Variants in ENOX1 observed in about 807,000 individuals in gnomAD.
ENOX1 encodes the protein ecto-NOX disulfide-thiol exchanger 1.
Under a neutral mutation model 82.5 loss-of-function variants are expected in ENOX1, and 42 were observed. The ratio of observed to expected loss-of-function variants is 0.51; its 90% CI spans 0.40 to 0.66. The LOEUF (loss-of-function observed/expected upper bound fraction) is 0.66. ENOX1 is among the 30% of genes least tolerant of loss of function. ENOX1 has a pLI of 0.00. For missense variants in ENOX1, 608 were observed against 811.6 expected, an observed-to-expected ratio of 0.75 and a Z score of 3.05; for synonymous variants, 271 against 282.2, an observed-to-expected ratio of 0.96 and a Z score of 0.40.
intron 3 of ENOX1, among the ~76,000 whole-genome samples, chr13:43,469,177 G>T (rs1000887368): frequency 6.6e-6 from 1 of 152,118 alleles, no homozygotes; most frequent in African/African-American, 2.4e-5. Flanking sequence ...TATTTATCAT[G>T]AAACGGATTT....
At chr13:43,435,394 A>G (rs1041466572) in intron 3 of ENOX1, among the ~76,000 whole-genome samples, 32 of 152,120 alleles carry the variant, frequency 2.1e-4, no homozygotes, top group African/African-American at 7.7e-4. Flanking sequence ...TGACAATGCC[A>G]CCAATAGCTG....
chr13:43,363,172 G>C (rs2050635499), intron 5 of ENOX1, among the ~76,000 whole-genome samples: 1 of 152,164 alleles, frequency 6.6e-6, no homozygotes, highest in Non-Finnish European at 1.5e-5. Context: ...AGATGACTCT[G>C]TTTATTCTGT....
At chr13:43,378,088 C>G (rs577351063) in intron 5 of ENOX1, among the ~76,000 whole-genome samples, 1 of 152,300 alleles carries the variant, frequency 6.6e-6, no homozygotes, top group Non-Finnish European at 1.5e-5. Flanking sequence ...TATGGTCTCC[C>G]ACCTGAAACA....
At chr13:43,243,344 C>T (rs1342253155) in intron 14 of ENOX1, among the ~76,000 whole-genome samples, 1 of 152,128 alleles carries the variant, frequency 6.6e-6, no homozygotes, top group South Asian at 2.1e-4. Flanking sequence ...TCTCTACTAT[C>T]CCCTAAGTGC....
chr13:43,634,802 T>A (rs989142455), intron 2 of ENOX1, among the ~76,000 whole-genome samples: 5 of 152,250 alleles, frequency 3.3e-5, no homozygotes, highest in Non-Finnish European at 5.9e-5. Flanking sequence ...ATTATAAACA[T>A]GTTCTTTTGT....
At chr13:43,380,399 T>C (rs916301283) in intron 5 of ENOX1, among the ~76,000 whole-genome samples, 1 of 151,736 alleles carries the variant, frequency 6.6e-6, no homozygotes, top group Non-Finnish European at 1.5e-5. Context: ...TACAAAAGTA[T>C]ATAGTTCTTA....
intron 3 of ENOX1, among the ~76,000 whole-genome samples, chr13:43,470,319 C>CGT (rs35482540): frequency 0.34 from 12,613 of 36,838 alleles, 2,407 homozygotes; most frequent in Non-Finnish European, 0.36. Context: ...TATATATACA[C>CGT]ATATATATAT....
chr13:43,456,233 C>A (rs2057222421), intron 3 of ENOX1, among the ~76,000 whole-genome samples: 1 of 151,956 alleles, frequency 6.6e-6, no homozygotes, highest in African/African-American at 2.4e-5. Flanking sequence ...CCTTTAGCCC[C>A]TTTCTCTGTT....
At position 43,356,067 on chromosome 13, in the gene ENOX1, GA is replaced by G; in HGVS notation, c.674del (p.Phe225SerfsTer34). The G allele has an allele frequency of 6.2e-7, 1 of 1,614,166 alleles. No individual in the cohort carries two copies. Among genetic ancestry groups the G allele is most frequent in the Non-Finnish European group, 8.5e-7 (1 of 1,180,034 alleles). On this transcript the variant is annotated frameshift_variant, in exon 8 of 17. Coordinates refer to ENST00000690772, the MANE Select transcript of ENOX1 (RefSeq NM_001347969.2). LOFTEE classifies it high-confidence loss of function. ...TCCTCTGCTTGCATTCCCACTCATA[GA>G]AGTCATCCCTGGCCTGGGCAAAGTC... Reference protein sequence around the residue: ...HVDFAQARDDFYEWECKQRMR... With the variant: ...HVDFAQARDDXYEWECKQRMR...
chr13:43,532,623 C>G (rs1258340177), intron 2 of ENOX1, among the ~76,000 whole-genome samples: 2 of 152,076 alleles, frequency 1.3e-5, no homozygotes, highest in African/African-American at 4.8e-5. Flanking sequence ...AAACACTCCT[C>G]TATTTACAAC....
In ENOX1 at chr13:43,429,563, A is replaced by G. The variant is rs185538138; in HGVS notation, c.-74-16575T>C. Among the ~76,000 whole-genome samples, 470 of 152,350 alleles carry G rather than the reference A, an allele frequency of 3.1e-3. 2 individuals are homozygous for G. Among genetic ancestry groups the G allele is most frequent in the Non-Finnish European group, 3.8e-3 (258 of 68,040 alleles). On this transcript the variant is annotated intron_variant, in intron 3 of 16. Coordinates refer to ENST00000690772, the MANE Select transcript of ENOX1 (RefSeq NM_001347969.2). ...TTTGGTTTGTAAATTCCTTTGGTTC[A>G]GTAGATCAAATGGGGAAAGACTTGT...
chr13:43,763,933 T>C (rs1263314296), intron 1 of ENOX1, among the ~76,000 whole-genome samples: 1 of 152,192 alleles, frequency 6.6e-6, no homozygotes, highest in Admixed American at 6.5e-5. Flanking sequence ...ATAAGATTCA[T>C]AGAGAATTTG....
At chr13:43,547,583 C>A (rs1339153015) in intron 2 of ENOX1, 1 of 152,120 alleles carries the variant, frequency 6.6e-6, no homozygotes, top group Non-Finnish European at 1.5e-5. Context: ...TATAAAGGGG[C>A]AATTTTGGTT....
At chr13:43,459,689 T>G (rs960096541) in intron 3 of ENOX1, among the ~76,000 whole-genome samples, 11 of 152,186 alleles carry the variant, frequency 7.2e-5, no homozygotes, top group African/African-American at 2.7e-4. Context: ...CTTTGTTTTC[T>G]CTTTGTAAAA....
intron 2 of ENOX1, among the ~76,000 whole-genome samples, chr13:43,602,440 A>C (rs2081766474): frequency 6.6e-6 from 1 of 152,128 alleles, no homozygotes. Context: ...ATCAAATGAA[A>C]ATTTCAATAA....
chr13:43,572,735 T>C (rs2153712063), intron 2 of ENOX1, among the ~76,000 whole-genome samples: 1 of 152,382 alleles, frequency 6.6e-6, no homozygotes, highest in Admixed American at 6.5e-5. Flanking sequence ...AGTGCATCAG[T>C]TGCTATGTGT....
chr13:43,735,618 G>A (rs1193980529), intron 1 of ENOX1, among the ~76,000 whole-genome samples: 1 of 152,132 alleles, frequency 6.6e-6, no homozygotes. Context: ...CTACTTGGGA[G>A]GCTGAGGCAG....
chr13:43,344,664 A>C lies in ENOX1; in HGVS notation c.910T>G (p.Tyr304Asp). ...EVNRRSANQF[Y>D]SMVQSANSHV... ...CTGTTGGCCGACTGCACCATGGAAT[A>C]GAACTGGTTTGCAGAGCGCCGATTC... is the stretch of plus-strand genomic sequence containing the variant. The change falls in exon 9 of 17, where the codon TAT becomes GAT. Residue 304 changes from tyrosine (Y) to aspartate (D), a missense_variant. Physicochemically the swap from Tyr to Asp is radical, Grantham distance 160. Transcript: ENST00000690772. 6.2e-7 allele frequency: 1 copy of C among 1,614,182 alleles called. No homozygotes were observed. The highest frequency in any genetic ancestry group is 1.3e-5 in the African/African-American group (1 of 75,046).
In ENOX1 at chr13:43,445,326, T is replaced by C. The variant is rs190797381; in HGVS notation, c.-74-32338A>G. Among the ~76,000 whole-genome samples the C allele has an allele frequency of 1.5e-4, 23 of 152,206 alleles. No individual in the cohort carries two copies. The East Asian group carries it at 4.1e-3, about 27-fold the overall frequency. On this transcript the variant is annotated intron_variant, in intron 3 of 16. Transcript: ENST00000690772. ...TTTTAGTAGAGATGGGGTTTCACCG[T>C]GTTAGCCAGGATGGTCTTGATCTCC...
Sources: allele counts gnomAD v4.1 joint callset (sites outside exome capture counted in the v4.1 genomes callset), GRCh38; gene constraint gnomAD v4.1.1; transcripts MANE v1.5; gene names NCBI Gene and HGNC (gene_info 2026-07-23, HGNC 2026-07-21).